The following CNBD1 variants were observed in gnomAD, a reference collection of about 807,000 sequenced individuals.
CNBD1 encodes cyclic nucleotide-binding domain-containing protein 1.
In CNBD1, 71 loss-of-function variants were observed where a neutral mutation model predicts 54.4. The ratio of observed to expected loss-of-function variants is 1.30; its 90% confidence interval spans 1.08 to 1.59. The LOEUF is 1.59. Among genes scored for constraint, CNBD1 ranks in the 40% most tolerant of loss-of-function variants. CNBD1 has a pLI of 0.00. For synonymous variants in CNBD1, 182 were observed against 170.7 expected (o/e 1.07, Z -0.51); for missense variants, 659 against 518.0 (o/e 1.27, Z -2.64).
intron 4 of CNBD1, among the ~76,000 whole-genome samples, chr8:87,176,811 G>T (rs527315908): frequency 6.6e-6 from 1 of 151,914 alleles, no homozygotes; most frequent in Non-Finnish European, 1.5e-5. Context: ...TTAATACAAA[G>T]GATACTTTTT....
intron 8 of CNBD1, 118 bp downstream of exon 8, chr8:87,286,789 A>G (rs1808708890): frequency 2.8e-6 from 2 of 722,536 alleles, no homozygotes; most frequent in South Asian, 1.8e-5. Flanking sequence ...TCTCTAATTT[A>G]TTTGATAATA....
intron 4 of CNBD1, among the ~76,000 whole-genome samples, chr8:87,084,772 G>A (rs193035966): frequency 1.1e-4 from 16 of 152,030 alleles, no homozygotes; most frequent in Admixed American, 1.0e-3. Flanking sequence ...TGCCTCCCAG[G>A]TTCAAGGGAT....
chr8:87,341,596 G>T (rs1188803344), intron 8 of CNBD1, among the ~76,000 whole-genome samples: 1 of 152,194 alleles, frequency 6.6e-6, no homozygotes, highest in African/African-American at 2.4e-5. Flanking sequence ...TGTTTAAGAA[G>T]TAATTGAATC....
intron 10 of CNBD1, among the ~76,000 whole-genome samples, chr8:87,356,515 G>T (rs1810423340): frequency 6.6e-6 from 1 of 152,194 alleles, no homozygotes. Context: ...TTAAACTTAA[G>T]AGTGGTGACC....
intron 4 of CNBD1, among the ~76,000 whole-genome samples, chr8:87,134,314 A>T (rs1273851731): frequency 1.3e-5 from 2 of 152,130 alleles, no homozygotes; most frequent in Non-Finnish European, 1.5e-5. Context: ...AAGGGAGGAG[A>T]TCAGTACAGA....
At chr8:86,899,450 G>A (rs1327511304) in intron 2 of CNBD1, among the ~76,000 whole-genome samples, 1 of 151,944 alleles carries the variant, frequency 6.6e-6, no homozygotes, top group Admixed American at 6.6e-5. Flanking sequence ...AATATATACA[G>A]TAAAAATAAA....
At chr8:86,929,746 C>T (rs1809425032) in intron 3 of CNBD1, among the ~76,000 whole-genome samples, 1 of 152,166 alleles carries the variant, frequency 6.6e-6, no homozygotes, top group South Asian at 2.1e-4. Context: ...ATGCCATTTA[C>T]ATCATGAGTA....
At chr8:86,947,103 C>A (rs555925666) in intron 4 of CNBD1, among the ~76,000 whole-genome samples, 1 of 152,098 alleles carries the variant, frequency 6.6e-6, no homozygotes, top group African/African-American at 2.4e-5. Flanking sequence ...GGTCACTGTT[C>A]TCAGTCAAAC....
At chr8:86,951,574 C>T (rs192784047) in intron 4 of CNBD1, among the ~76,000 whole-genome samples, 1,977 of 46,858 alleles carry the variant, frequency 0.042, 65 homozygotes, top group African/African-American at 0.14. Context: ...AGCGAGGCTC[C>T]GTCTCACAAA....
intron 4 of CNBD1, among the ~76,000 whole-genome samples, chr8:87,175,418 C>T (rs544460276): frequency 1.3e-5 from 2 of 152,312 alleles, no homozygotes; most frequent in East Asian, 3.9e-4. Flanking sequence ...GGTATTATTG[C>T]TGCAGTTATT....
intron 2 of CNBD1, among the ~76,000 whole-genome samples, chr8:87,390,697 T>A (rs1262143419): frequency 6.6e-6 from 1 of 152,094 alleles, no homozygotes; most frequent in Non-Finnish European, 1.5e-5. Flanking sequence ...TCCTCAGGGA[T>A]CTAGAACTAG....
intron 2 of CNBD1, among the ~76,000 whole-genome samples, chr8:86,892,347 C>T (rs2131794484): frequency 6.6e-6 from 1 of 152,162 alleles, no homozygotes; most frequent in East Asian, 1.9e-4. Context: ...GCCCAAAGTC[C>T]ATTTATAAAT....
intron 8 of CNBD1, among the ~76,000 whole-genome samples, chr8:87,308,846 T>C (rs1809208565): frequency 6.6e-6 from 1 of 152,144 alleles, no homozygotes; most frequent in Non-Finnish European, 1.5e-5. Flanking sequence ...GCAATATATG[T>C]CTTTATGTGC....
chr8:87,197,024 TGAAAATATA>T (rs1586322874), intron 4 of CNBD1, among the ~76,000 whole-genome samples: 1 of 152,166 alleles, frequency 6.6e-6, no homozygotes, highest in East Asian at 1.9e-4. Flanking sequence ...GGTGAATTAA[TGAAAATATA>T]AAGGGAATAG....
chr8:87,244,189 C>G (rs1030746019), intron 6 of CNBD1, among the ~76,000 whole-genome samples: 2 of 151,932 alleles, frequency 1.3e-5, no homozygotes, highest in Non-Finnish European at 2.9e-5. Flanking sequence ...GCGGGGACAA[C>G]CTGAAGTAGG....
intron 4 of CNBD1, among the ~76,000 whole-genome samples, chr8:86,971,891 A>G (rs1456477776): frequency 1.3e-5 from 2 of 152,160 alleles, no homozygotes; most frequent in Non-Finnish European, 2.9e-5. Context: ...ATCTGGGAAT[A>G]ATTATCATTT....
At chr8:87,255,291 A>G (rs187765140) in intron 6 of CNBD1, among the ~76,000 whole-genome samples, 1 of 152,282 alleles carries the variant, frequency 6.6e-6, no homozygotes, top group African/African-American at 2.4e-5. Flanking sequence ...ACCACAGGAA[A>G]CAAGATGTAG....
At chr8:86,901,056 C>T (rs1455362453) in intron 2 of CNBD1, among the ~76,000 whole-genome samples, 2 of 151,992 alleles carry the variant, frequency 1.3e-5, no homozygotes, top group South Asian at 4.1e-4. Context: ...TAAATAAGAA[C>T]AGAAGAGACT....
intron 4 of CNBD1, among the ~76,000 whole-genome samples, chr8:87,077,850 C>A (rs949797451): frequency 6.6e-6 from 1 of 151,998 alleles, no homozygotes; most frequent in Non-Finnish European, 1.5e-5. Flanking sequence ...CAAGTCTTTG[C>A]TATTGTGAAT....
Sources: gnomAD v4.1 joint callset for allele counts (sites outside exome capture counted in the v4.1 genomes callset) on GRCh38, gnomAD v4.1.1 for gene constraint, MANE v1.5 for transcripts, NCBI Gene and HGNC (gene_info 2026-07-23, HGNC 2026-07-21) for gene names.